Variants in TRIO observed in about 807,000 individuals in gnomAD.
TRIO encodes the protein trio Rho guanine nucleotide exchange factor.
In TRIO, 58 loss-of-function variants were observed where a neutral mutation model predicts 351.9. The ratio of observed to expected loss-of-function variants is 0.16; its 90% CI spans 0.13 to 0.21. TRIO has a LOEUF of 0.21. Among genes scored for constraint, TRIO ranks in the 10% least tolerant of loss-of-function variants. The pLI, the probability that TRIO is intolerant of heterozygous loss-of-function variation, is 1.00. For missense variants in TRIO, 3,201 were observed against 4,027.8 expected, an observed-to-expected ratio of 0.79 and a Z score of 5.56; for synonymous variants, 1,758 against 1,595.7, an observed-to-expected ratio of 1.10 and a Z score of -2.42.
chr5:14,309,433 C>T (rs1354433957), intron 8 of TRIO, among the ~76,000 whole-genome samples: 1 of 152,234 alleles, frequency 6.6e-6, no homozygotes, highest in Non-Finnish European at 1.5e-5. Flanking sequence ...TCATTTTCTT[C>T]ATGCCAAGAG....
At chr5:14,492,380 A>G (rs931356578) in intron 48 of TRIO, 187 bp from the exon 49 acceptor site, 4 of 712,072 alleles carry the variant, frequency 5.6e-6, no homozygotes, top group South Asian at 4.0e-5. Flanking sequence ...TTACATTTTC[A>G]GTTATTGAAA....
At chr5:14,239,734 A>G (rs1653103694) in intron 1 of TRIO, among the ~76,000 whole-genome samples, 2 of 152,218 alleles carry the variant, frequency 1.3e-5, no homozygotes, top group Admixed American at 6.5e-5. Context: ...TGGAGGGATA[A>G]TATAGGAACA....
intron 1 of TRIO, among the ~76,000 whole-genome samples, chr5:14,231,881 A>G (rs966398984): frequency 8.7e-5 from 13 of 149,114 alleles, no homozygotes; most frequent in Admixed American, 6.7e-4. Context: ...TCATACTATC[A>G]TAGGCCATTT....
Position 14,256,140 on chromosome 5 carries a change from C to G in TRIO, c.158-14685C>G, listed in dbSNP as rs78637828. Among the ~76,000 whole-genome samples the G allele has an allele frequency of 3.1e-3, 475 of 152,154 alleles. 2 individuals carry two copies. Among genetic ancestry groups the G allele is most frequent in the African/African-American group, 0.011 (462 of 41,506 alleles). On this transcript the variant is annotated intron_variant, in intron 1 of 56. Transcript: ENST00000344204. ...TGCCAGGATCTGCTTTTGGTGAGGG[C>G]CTCAGGAAGCTTCCACTTGTGGCTG...
At chr5:14,284,484 C>T (rs1736274325) in intron 3 of TRIO, among the ~76,000 whole-genome samples, 1 of 152,184 alleles carries the variant, frequency 6.6e-6, no homozygotes, top group Admixed American at 6.5e-5. Context: ...ATTTTCATTA[C>T]TTAGGAAGCC....
At chr5:14,457,110 C>T (rs1300820480) in intron 34 of TRIO, among the ~76,000 whole-genome samples, 2 of 152,258 alleles carry the variant, frequency 1.3e-5, no homozygotes, top group Non-Finnish European at 2.9e-5. Context: ...TATTGTCCCT[C>T]TACATTTGCA....
chr5:14,474,483 T>C (rs1754904746), intron 40 of TRIO, among the ~76,000 whole-genome samples: 1 of 151,984 alleles, frequency 6.6e-6, no homozygotes, highest in Non-Finnish European at 1.5e-5. Flanking sequence ...ACTGAGTTAA[T>C]ACTTTTACCT....
chr5:14,285,067 G>A (rs1028686977), intron 3 of TRIO, among the ~76,000 whole-genome samples: 3 of 152,140 alleles, frequency 2.0e-5, no homozygotes, highest in Admixed American at 1.3e-4. Context: ...AGATGTTTCT[G>A]GGAGTCCCAT....
chr5:14,168,447 A>G (rs530258549), intron 1 of TRIO, among the ~76,000 whole-genome samples: 21 of 152,224 alleles, frequency 1.4e-4, no homozygotes, highest in Non-Finnish European at 8.8e-5. Flanking sequence ...GGATCTGGCT[A>G]TTGGCCAACA....
chr5:14,491,028 A>C (rs936230973), intron 48 of TRIO, among the ~76,000 whole-genome samples: 6 of 152,230 alleles, frequency 3.9e-5, no homozygotes, highest in African/African-American at 1.4e-4. Context: ...AAGAACAGGA[A>C]GCAGACTCCT....
At chr5:14,149,140 T>C (rs954483677) in intron 1 of TRIO, among the ~76,000 whole-genome samples, 2 of 152,282 alleles carry the variant, frequency 1.3e-5, no homozygotes, top group Non-Finnish European at 2.9e-5. Flanking sequence ...GGGCCCTGCA[T>C]GTGCTGCTGG....
At chr5:14,285,032 A>G (rs1464217130) in intron 3 of TRIO, among the ~76,000 whole-genome samples, 1 of 152,118 alleles carries the variant, frequency 6.6e-6, no homozygotes, top group Non-Finnish European at 1.5e-5. Flanking sequence ...TAGAATGCTT[A>G]ATTTCCATGA....
At chr5:14,346,760 G>A (rs1017512110) in intron 11 of TRIO, among the ~76,000 whole-genome samples, 3 of 152,232 alleles carry the variant, frequency 2.0e-5, no homozygotes. Flanking sequence ...GACAAGAAAG[G>A]AAAGTATGGG....
chr5:14,481,173 TA>T, intron 43 of TRIO, 60 bp from the exon 44 acceptor site: 1 of 1,519,712 alleles, frequency 6.6e-7, no homozygotes, highest in Non-Finnish European at 8.9e-7. Context: ...AAAAAAAAAA[TA>T]AAAGGTCAGC....
At position 14,190,272 on chromosome 5, in the gene TRIO, C is replaced by T. The variant is rs114215426; in HGVS notation, c.157+46390C>T. Among the ~76,000 whole-genome samples, 1,310 of 152,126 alleles carry T rather than the reference C, an allele frequency of 8.6e-3. 14 individuals are homozygous for T. Among genetic ancestry groups the T allele is most frequent in the African/African-American group, 0.03 (1,225 of 41,502 alleles). On this transcript the variant is annotated intron_variant, in intron 1 of 56. Coordinates refer to ENST00000344204, the MANE Select transcript of TRIO (RefSeq NM_007118.4). ...CTACAGGGGCAGGCAGTCCAGCTAG[C>T]GGCACAGCCATTCAGTGAGTCAGGA...
intron 1 of TRIO, among the ~76,000 whole-genome samples, chr5:14,188,022 G>T (rs1252662491): frequency 6.6e-6 from 1 of 152,202 alleles, no homozygotes; most frequent in Non-Finnish European, 1.5e-5. Context: ...CTTGCCAGCC[G>T]AGGAGTTAGA....
At chr5:14,204,310 G>A (rs1791326880) in intron 1 of TRIO, among the ~76,000 whole-genome samples, 1 of 152,128 alleles carries the variant, frequency 6.6e-6, no homozygotes, top group East Asian at 1.9e-4. Flanking sequence ...AAGGAGTTCT[G>A]CACTGCCAGC....
At chr5:14,502,485 C>A in intron 53 of TRIO, 94 bp from the exon 54 acceptor site, 4 of 1,288,882 alleles carry the variant, frequency 3.1e-6, no homozygotes, top group East Asian at 4.7e-5. Context: ...GGTGGCCACG[C>A]GCAGCTGCTG....
intron 31 of TRIO, among the ~76,000 whole-genome samples, chr5:14,401,950 C>A (rs199855241): frequency 6.6e-6 from 1 of 152,118 alleles, no homozygotes; most frequent in African/African-American, 2.4e-5. Flanking sequence ...TTTTCAGTGA[C>A]TGTGAGTTAC....
Sources: gnomAD v4.1 joint callset for allele counts (sites outside exome capture counted in the v4.1 genomes callset) on GRCh38, gnomAD v4.1.1 for gene constraint, MANE v1.5 for transcripts, NCBI Gene and HGNC (gene_info 2026-07-23, HGNC 2026-07-21) for gene names.